SMARCA4: variants seen among roughly 807,000 people sequenced by gnomAD.
SMARCA4 encodes the protein SWI/SNF-related matrix-associated actin-dependent regulator of chromatin subfamily A member 4.
In SMARCA4, 31 loss-of-function variants were observed where a neutral mutation model predicts 193.9. That is an observed-to-expected ratio of 0.16 (90% CI 0.12 to 0.22). The LOEUF (loss-of-function observed/expected upper bound fraction) is 0.22. Among genes scored for constraint, SMARCA4 ranks in the 10% least tolerant of loss-of-function variants. SMARCA4 has a pLI of 1.00. For missense variants in SMARCA4, 1,148 were observed against 2,296.0 expected, an observed-to-expected ratio of 0.50 and a Z score of 10.22; for synonymous variants, 942 against 933.1, an observed-to-expected ratio of 1.01 and a Z score of -0.17.
intron 1 of SMARCA4, among the ~76,000 whole-genome samples, chr19:10,971,025 C>G (rs894267139): frequency 6.6e-6 from 1 of 152,070 alleles, no homozygotes; most frequent in African/African-American, 2.4e-5. Context: ...ATGGAGAAAC[C>G]TAGTCTACTA....
chr19:10,971,242 T>C (rs1378948816), intron 1 of SMARCA4, among the ~76,000 whole-genome samples: 1 of 151,970 alleles, frequency 6.6e-6, no homozygotes, highest in East Asian at 1.9e-4. Flanking sequence ...CCTTCCCTGC[T>C]CCAGCCACAC....
intron 8 of SMARCA4, among the ~76,000 whole-genome samples, chr19:10,992,420 A>ATTTTTTT (rs927402603): frequency 7.6e-5 from 9 of 118,546 alleles, no homozygotes; most frequent in African/African-American, 9.5e-5. Flanking sequence ...CCTGGCCAAC[A>ATTTTTTT]TTTTTTTTTT....
At chr19:11,007,517 T>C (rs1255698629) in intron 13 of SMARCA4, among the ~76,000 whole-genome samples, 2 of 151,082 alleles carry the variant, frequency 1.3e-5, no homozygotes, top group Non-Finnish European at 2.9e-5. Context: ...GGCGAGAGGA[T>C]TGCTTGAGCC....
At chr19:11,009,616 C>A (rs1388466616) in intron 14 of SMARCA4, among the ~76,000 whole-genome samples, 1 of 150,354 alleles carries the variant, frequency 6.7e-6, no homozygotes, top group Non-Finnish European at 1.5e-5. Flanking sequence ...TGCCTCCGGG[C>A]TTAAGTGTTT....
rs140377414 is a variant in SMARCA4 at position 11,061,188 on chromosome 19, TAAAAAA to T, written c.4912-584_4912-579del. On this transcript the variant is annotated intron_variant, in intron 34 of 34. Transcript: ENST00000344626. ...GGGCAACAGAGCAAGACCCTGTCTT[TAAAAAA>T]AAAAAAAAAAATATATATATATATA... Among the ~76,000 whole-genome samples, 55 of 68,848 alleles carry T rather than the reference TAAAAAA, an allele frequency of 8.0e-4. 1 individual carries two copies. Among genetic ancestry groups the T allele is most frequent in the African/African-American group, 1.8e-3 (22 of 12,066 alleles). The allele number at this position is 68,848 out of a possible 152,430, so 45.2% of individuals were successfully genotyped here. A position where few individuals can be genotyped will look rare whatever the true frequency, so the allele number is the denominator to read the frequency against.
chr19:10,965,685 C>T (rs1387081983), intron 1 of SMARCA4, among the ~76,000 whole-genome samples: 1 of 152,130 alleles, frequency 6.6e-6, no homozygotes, highest in East Asian at 1.9e-4. Flanking sequence ...TGTTCCCAGG[C>T]TATACACCTG....
chr19:11,033,010 C>T lies in SMARCA4; in HGVS notation c.3547-280C>T, dbSNP rs537596096. The T allele has an allele frequency of 8.0e-4, 437 of 544,630 alleles. 4 individuals are homozygous for T. Among genetic ancestry groups the T allele is most frequent in the South Asian group, 4.4e-3 (222 of 50,636 alleles). The allele number at this position is 544,630 out of a possible 1,614,324, so 33.7% of individuals were successfully genotyped here. A position where few individuals can be genotyped will look rare whatever the true frequency, so the allele number is the denominator to read the frequency against. The stretch of plus-strand genomic sequence containing the variant: ...CGGGAGCTGCTTGAGAATATAATCC[C>T]CTGGGGGGTTGGTGCTTTCTTCCCG... On this transcript the variant is annotated intron_variant, in intron 25 of 34. Transcript: ENST00000344626. This position sits in a 1 kb window ranked among gnomAD's most constrained non-coding sequence, Gnocchi z 9.8.
At chr19:11,056,168 G>C (rs757802043) in intron 30 of SMARCA4, 1 of 152,262 alleles carries the variant, frequency 6.6e-6, no homozygotes, top group Non-Finnish European at 1.5e-5. Flanking sequence ...CCGAGCTGCA[G>C]ATGGGACACA....
chr19:10,997,488 G>T (rs2087187681), intron 11 of SMARCA4, among the ~76,000 whole-genome samples: 1 of 152,102 alleles, frequency 6.6e-6, no homozygotes, highest in African/African-American at 2.4e-5. Context: ...ACCATGGCCA[G>T]CCAGTTTTTG....
intron 1 of SMARCA4, among the ~76,000 whole-genome samples, chr19:10,965,721 T>C (rs964647666): frequency 2.0e-5 from 3 of 152,156 alleles, no homozygotes; most frequent in Non-Finnish European, 4.4e-5. Flanking sequence ...TACCGATTAT[T>C]GTAGGCAGTT....
At chr19:11,038,662 G>A (rs1369177318) in intron 29 of SMARCA4, among the ~76,000 whole-genome samples, 2 of 152,206 alleles carry the variant, frequency 1.3e-5, no homozygotes, top group Non-Finnish European at 2.9e-5. Context: ...GTAGGGGAAA[G>A]GGCCCTGGCT....
chr19:11,055,389 T>C (rs887379390), intron 30 of SMARCA4, among the ~76,000 whole-genome samples: 1 of 152,100 alleles, frequency 6.6e-6, no homozygotes, highest in African/African-American at 2.4e-5. Context: ...GGGGTATCAC[T>C]ATCTTGGCCA....
Position 11,019,219 on chromosome 19 carries a change from C to G in SMARCA4, c.2505+196C>G. The stretch of plus-strand genomic sequence containing the variant: ...TGGGCAGGGACAGGGCAGATTAGCT[C>G]ACTGGGGAGGAGACAGGAGTGAGCA... On this transcript the variant is annotated intron_variant, in intron 17 of 34. Transcript: ENST00000344626. The surrounding 1 kb of genome is among the most constrained non-coding windows in gnomAD (Gnocchi z 6.1). The G allele has an allele frequency of 1.5e-6, 1 of 670,088 alleles. No homozygotes were observed. The highest frequency in any genetic ancestry group is 2.7e-5 in the East Asian group (1 of 36,750). The allele number at this position is 670,088 out of a possible 1,614,324, so 41.5% of individuals were successfully genotyped here.
At chr19:10,976,949 C>T (rs914659219) in intron 1 of SMARCA4, among the ~76,000 whole-genome samples, 12 of 152,012 alleles carry the variant, frequency 7.9e-5, no homozygotes, top group East Asian at 3.9e-4. Flanking sequence ...CCCAGCTACT[C>T]GGGAGGCTGA....
intron 1 of SMARCA4, among the ~76,000 whole-genome samples, chr19:10,969,924 AC>A (rs1332909620): frequency 6.6e-6 from 1 of 151,932 alleles, no homozygotes; most frequent in Non-Finnish European, 1.5e-5. Context: ...GAACCCCTTT[AC>A]TGTGGCCCTC....
At chr19:11,045,028 AAG>A (rs2075819869) in intron 30 of SMARCA4, among the ~76,000 whole-genome samples, 1 of 152,226 alleles carries the variant, frequency 6.6e-6, no homozygotes, top group African/African-American at 2.4e-5. Context: ...AGACACTAAA[AAG>A]GGCATACTGG....
At position 10,985,313 on chromosome 19, in the gene SMARCA4, C is replaced by T. The variant is rs371056395; in HGVS notation, c.263C>T (p.Pro88Leu). The change falls in exon 3 of 35, where the codon CCG becomes CTG. Residue 88 changes from proline (P) to leucine (L), a missense_variant. Pro to Leu is a moderately conservative substitution (Grantham distance 98). Coordinates refer to ENST00000344626, the MANE Select transcript of SMARCA4 (RefSeq NM_003072.5). This position sits in a 1 kb window ranked among gnomAD's most constrained non-coding sequence, Gnocchi z 4.5. ...CATGAGAAGGGCATGTCGGACGACCCGCGCTACAACCAGATGAAAGGAATG... is the reference window on the plus strand; with the variant it reads ...CATGAGAAGGGCATGTCGGACGACCTGCGCTACAACCAGATGAAAGGAATG... ...SMHEKGMSDD[P>L]RYNQMKGMGM... 39 of 1,613,922 alleles carry T rather than the reference C, an allele frequency of 2.4e-5. No homozygotes were observed. Among genetic ancestry groups the T allele is most frequent in the Admixed American group, 1.7e-4 (10 of 59,984 alleles).
At chr19:10,994,763 C>G (rs564750568) in intron 8 of SMARCA4, 65 bp from the exon 9 acceptor site, 1 of 1,444,108 alleles carries the variant, frequency 6.9e-7, no homozygotes, top group East Asian at 2.3e-5. Context: ...TTAAACAAGC[C>G]TTGCGGGGAG....
At chr19:10,989,636 C>T (rs1173238042) in intron 7 of SMARCA4, among the ~76,000 whole-genome samples, 193 bp downstream of exon 7, 2 of 152,146 alleles carry the variant, frequency 1.3e-5, no homozygotes, top group Non-Finnish European at 2.9e-5. Flanking sequence ...GGACGTGGAC[C>T]TCACTACCCT....
Sources: gnomAD v4.1 joint callset for allele counts (sites outside exome capture counted in the v4.1 genomes callset) on GRCh38, gnomAD v4.1.1 for gene constraint, Gnocchi (gnomAD v3.1) non-coding constraint, MANE v1.5 for transcripts, NCBI Gene and HGNC (gene_info 2026-07-23, HGNC 2026-07-21) for gene names.